MYO19: variants seen among roughly 807,000 people sequenced by gnomAD.
MYO19 encodes the protein unconventional myosin-XIX.
MYO19 carries 132 observed loss-of-function variants against 129.2 expected under a neutral mutation model. The observed-to-expected ratio is 1.02, with a 90% CI of 0.89 to 1.18. The LOEUF (loss-of-function observed/expected upper bound fraction) is 1.18. Ranked by LOEUF, MYO19 falls within the 50% of genes most tolerant of loss-of-function variation. The pLI, the probability that MYO19 is intolerant of heterozygous loss-of-function variation, is 0.00. For missense variants in MYO19, 1,210 were observed against 1,216.7 expected (o/e 0.99, Z 0.08); for synonymous variants, 531 against 477.2 (o/e 1.11, Z -1.47).
At chr17:36,512,237 A>ACACACACAC (rs1567755390) in intron 11 of MYO19, among the ~76,000 whole-genome samples, 11 of 146,672 alleles carry the variant, frequency 7.5e-5, no homozygotes, top group South Asian at 4.4e-4. Context: ...ACACACACAC[A>ACACACACAC]AAATTAGCTG....
chr17:36,530,504 T>C (rs2073768977), intron 3 of MYO19, among the ~76,000 whole-genome samples: 1 of 144,564 alleles, frequency 6.9e-6, no homozygotes, highest in African/African-American at 2.5e-5. Flanking sequence ...TCGCCCAGGC[T>C]GGAGTGCAGT....
chr17:36,536,806 C>T (rs775158962), upstream of MYO19, among the ~76,000 whole-genome samples: 85 of 152,246 alleles, frequency 5.6e-4, no homozygotes, highest in Non-Finnish European at 8.1e-4. Flanking sequence ...TGAGCCACCA[C>T]GCCTGGCCCC....
At position 36,515,135 on chromosome 17, in the gene MYO19, A is replaced by G; in HGVS notation, c.595T>C (p.Phe199Leu). The G allele has an allele frequency of 1.2e-6, 2 of 1,611,596 alleles. No individual in the cohort carries two copies. The highest frequency in any genetic ancestry group is 1.7e-6 in the Non-Finnish European group (2 of 1,178,932). ...RNNNSSRFGK[F>L]IQLQLNRAQQ... Reference sequence around the variant, plus strand: ...TACCTGTTCAGCTGGAGCTGGATGAACTTCCCAAAGCGACTGCTGTTGTTA... The same window carrying G: ...TACCTGTTCAGCTGGAGCTGGATGAGCTTCCCAAAGCGACTGCTGTTGTTA... The change falls in exon 8 of 26, where the codon TTC becomes CTC. Residue 199 changes from phenylalanine to leucine, a missense_variant. Coordinates refer to ENST00000614623, the MANE Select transcript of MYO19 (RefSeq NM_001163735.2).
At position 36,515,962 on chromosome 17, in the gene MYO19, A is replaced by C; in HGVS notation, c.443T>G (p.Phe148Cys). The C allele has an allele frequency of 1.9e-6, 3 of 1,613,336 alleles. No individual in the cohort carries two copies. The highest frequency in any genetic ancestry group is 2.5e-6 in the Non-Finnish European group (3 of 1,179,612). Residue 148 changes from phenylalanine (F) to cysteine (C), a missense_variant, in exon 7 of 26, where the codon TTC becomes TGC. Coordinates refer to ENST00000614623, the MANE Select transcript of MYO19 (RefSeq NM_001163735.2). ...KTWTSRCLMKFYAVVATSPAS... is the reference protein window; with the variant it reads ...KTWTSRCLMKCYAVVATSPAS... ...AGGTGAGGTGGCCACCACAGCATAG[A>C]ACTTCATTAGGCAGCGAGACGTCCA... is the stretch of plus-strand genomic sequence containing the variant.
At chr17:36,505,215 A>G (rs1467992104) in intron 19 of MYO19, 82 bp downstream of exon 19, 3 of 1,235,916 alleles carry the variant, frequency 2.4e-6, no homozygotes, top group Non-Finnish European at 3.6e-6. Context: ...TCCATTTGGA[A>G]CAGATGTCCT....
rs559842612 is a variant in MYO19, at chr17:36,496,901, C to G, written c.2758-495G>C. On this transcript the variant is annotated intron_variant, in intron 25 of 25. Coordinates refer to ENST00000614623, the MANE Select transcript of MYO19 (RefSeq NM_001163735.2). ...GAACCAGGATCCAGACCCTGGGGTT[C>G]TACCTCCCAGTGCAACATACTTTCA... Among the ~76,000 whole-genome samples, 15 of 152,306 alleles carry G rather than the reference C, an allele frequency of 9.8e-5. No homozygotes were observed. The South Asian group carries it at 1.0e-3, about 11-fold the overall frequency.
chr17:36,513,338 G>A (rs771024685), intron 11 of MYO19, 91 bp downstream of exon 11: 4 of 1,608,942 alleles, frequency 2.5e-6, no homozygotes, highest in Non-Finnish European at 2.5e-6. Flanking sequence ...GATCCTCAGG[G>A]AAAGACCAAC....
At chr17:36,516,969 C>T (rs1287208667) in intron 6 of MYO19, among the ~76,000 whole-genome samples, 1 of 151,986 alleles carries the variant, frequency 6.6e-6, no homozygotes, top group Non-Finnish European at 1.5e-5. Flanking sequence ...ACAAGTGAAG[C>T]CACCAGGGCC....
chr17:36,533,589 G>A (rs1323922179), intron 2 of MYO19: 1 of 152,280 alleles, frequency 6.6e-6, no homozygotes, highest in Non-Finnish European at 1.5e-5. Context: ...AGAACCCAGG[G>A]ATAGGGACTT....
intron 11 of MYO19, chr17:36,512,868 G>A (rs2072460704): frequency 5.1e-6 from 6 of 1,180,096 alleles, no homozygotes; most frequent in Non-Finnish European, 5.4e-6. Flanking sequence ...GAGGAGCCCA[G>A]CTCACCTGGG....
At chr17:36,511,992 C>A (rs757468547) in intron 11 of MYO19, among the ~76,000 whole-genome samples, 7 of 152,076 alleles carry the variant, frequency 4.6e-5, no homozygotes, top group Admixed American at 1.3e-4. Flanking sequence ...TGTTCCACAC[C>A]GACAAGCCCC....
chr17:36,532,677 A>G lies in MYO19; in HGVS notation c.-139T>C. The G allele has an allele frequency of 9.8e-7, 1 of 1,018,170 alleles. No individual in the cohort carries two copies. Among genetic ancestry groups the G allele is most frequent in the Non-Finnish European group, 1.5e-6 (1 of 669,516 alleles). The allele number at this position is 1,018,170 out of a possible 1,614,324, so 63.1% of individuals were successfully genotyped here. A position where few individuals can be genotyped will look rare whatever the true frequency, so the allele number is the denominator to read the frequency against. On this transcript the variant is annotated 5_prime_UTR_variant, in exon 3 of 26. Transcript: ENST00000614623. ...GGAGGAATCTCAGACAAGTCACTCC[A>G]GCGCCTGTGGCATGAGAGAGAAGAC...
intron 25 of MYO19, 38 bp from the exon 26 acceptor site, chr17:36,496,444 C>T (rs2070981262): frequency 6.2e-6 from 10 of 1,607,268 alleles, no homozygotes; most frequent in Non-Finnish European, 8.5e-6. Flanking sequence ...AGCACTAGTT[C>T]CTGGGAGTGC....
upstream of MYO19, chr17:36,538,260 A>T: frequency 6.2e-7 from 1 of 1,613,308 alleles, no homozygotes; most frequent in Non-Finnish European, 8.5e-7. Flanking sequence ...CCTTCTTAGT[A>T]GTTTATTACT....
At chr17:36,508,073 G>A (rs1356240758) in intron 14 of MYO19, 149 bp from the exon 15 acceptor site, 11 of 789,888 alleles carry the variant, frequency 1.4e-5, no homozygotes, top group Non-Finnish European at 2.0e-5. Context: ...CCTGTGGTGG[G>A]CAGAACATAC....
At chr17:36,497,718 GGGAC>G (rs1450765825) in intron 25 of MYO19, 1 of 199,170 alleles carries the variant, frequency 5.0e-6, no homozygotes, top group African/African-American at 2.4e-5. Flanking sequence ...CCGAGCAGCT[GGGAC>G]TACAGGCGCC....
At chr17:36,502,428 CCCTCTA>C (rs1164085127) in intron 21 of MYO19, among the ~76,000 whole-genome samples, 3 of 152,162 alleles carry the variant, frequency 2.0e-5, no homozygotes, top group Non-Finnish European at 2.9e-5. Flanking sequence ...CCTTTCCTCT[CCCTCTA>C]CATCTAGTCA....
intron 4 of MYO19, 26 bp from the exon 5 acceptor site, chr17:36,527,725 C>G (rs771811675): frequency 4.4e-6 from 7 of 1,597,956 alleles, no homozygotes; most frequent in Non-Finnish European, 5.1e-6. Context: ...CTTTAGCAAA[C>G]TCGGGCTCAA....
rs2071662843 is a variant in MYO19 at position 36,503,333 on chromosome 17, C to T, written c.1977-133G>A. Reference sequence around the variant, plus strand: ...ACGGTGCTGCCCTCCCCGAGTATCCCCACTGAATGTGAATGTGGTTTTGAA... The same window carrying T: ...ACGGTGCTGCCCTCCCCGAGTATCCTCACTGAATGTGAATGTGGTTTTGAA... On this transcript the variant is annotated intron_variant, in intron 20 of 25. Coordinates refer to ENST00000614623, the MANE Select transcript of MYO19 (RefSeq NM_001163735.2). 5 of 731,032 alleles carry T rather than the reference C, an allele frequency of 6.8e-6. No homozygotes were observed. The South Asian group carries it at 8.4e-5, about 12-fold the overall frequency. The allele number at this position is 731,032 out of a possible 1,614,324, so 45.3% of individuals were successfully genotyped here. A position where few individuals can be genotyped will look rare whatever the true frequency, so the allele number is the denominator to read the frequency against.
Sources: allele counts gnomAD v4.1 joint callset (sites outside exome capture counted in the v4.1 genomes callset), GRCh38; gene constraint gnomAD v4.1.1; transcripts MANE v1.5; gene names NCBI Gene and HGNC (gene_info 2026-07-23, HGNC 2026-07-21).